The following SLC5A7 variants were observed in gnomAD, a reference collection of about 807,000 sequenced individuals.
The protein encoded by SLC5A7 is solute carrier family 5 member 7.
SLC5A7 carries 19 observed loss-of-function variants against 55.4 expected under a neutral mutation model. The ratio of observed to expected loss-of-function variants is 0.34; its 90% confidence interval spans 0.24 to 0.50. The LOEUF (loss-of-function observed/expected upper bound fraction) is 0.50, where lower values mean the gene tolerates loss of function less well. Among genes scored for constraint, SLC5A7 ranks in the 20% least tolerant of loss-of-function variants. SLC5A7 has a pLI of 0.98. For synonymous variants in SLC5A7, 265 were observed against 263.7 expected (o/e 1.00, Z -0.05); for missense variants, 506 against 705.3 (o/e 0.72, Z 3.20).
chr2:108,010,668 T>G lies in SLC5A7; in HGVS notation c.1550T>G (p.Val517Gly). 1 of 1,613,984 alleles carries G rather than the reference T, an allele frequency of 6.2e-7. No individual in the cohort carries two copies. Residue 517 changes from valine (V) to glycine (G), a missense_variant, in exon 9 of 9, where the codon GTT becomes GGT. Transcript: ENST00000264047. ...CCTAAATTAGATGTATTTGATGCTGTTGTTGCAAGACACAGTGAAGAAAAC... is the reference window on the plus strand; with the variant it reads ...CCTAAATTAGATGTATTTGATGCTGGTGTTGCAAGACACAGTGAAGAAAAC... ...LPPKLDVFDA[V>G]VARHSEENMD...
intron 5 of SLC5A7, among the ~76,000 whole-genome samples, chr2:108,001,153 C>A (rs1019090073): frequency 1.4e-4 from 22 of 151,974 alleles, no homozygotes; most frequent in Non-Finnish European, 3.1e-4. Flanking sequence ...CTCCCCTCCT[C>A]CCCCCACCCA....
chr2:107,991,642 G>T (rs1315104118), intron 2 of SLC5A7, among the ~76,000 whole-genome samples: 1 of 152,088 alleles, frequency 6.6e-6, no homozygotes, highest in Non-Finnish European at 1.5e-5. Context: ...ACTCCGTGAG[G>T]ACAGTATAAA....
At chr2:108,009,791 C>G (rs1165717619) in intron 8 of SLC5A7, among the ~76,000 whole-genome samples, 3 of 152,122 alleles carry the variant, frequency 2.0e-5, no homozygotes, top group Non-Finnish European at 4.4e-5. Context: ...TGTGTCTTTT[C>G]AAGAGCACCA....
At position 108,008,457 on chromosome 2, in the gene SLC5A7, T is replaced by A; in HGVS notation, c.896-8T>A. The A allele has an allele frequency of 6.2e-7, 1 of 1,610,670 alleles. No individual in the cohort carries two copies. The highest frequency in any genetic ancestry group is 1.1e-5 in the South Asian group (1 of 90,806). On this transcript the variant is annotated splice_polypyrimidine_tract_variant and splice_region_variant and intron_variant, in intron 7 of 8. Transcript: ENST00000264047. ...GTGGTTATAATGGTTGTTGATTCTG[T>A]TCAACAGACTGGAACCAGACTGCAT...
intron 6 of SLC5A7, among the ~76,000 whole-genome samples, chr2:108,002,979 T>G (rs1295719508): frequency 6.6e-6 from 1 of 152,226 alleles, no homozygotes; most frequent in Non-Finnish European, 1.5e-5. Context: ...TCGTGGCACA[T>G]GGCTGAATTC....
chr2:108,007,083 T>C (rs1678153328), intron 7 of SLC5A7, among the ~76,000 whole-genome samples: 1 of 152,166 alleles, frequency 6.6e-6, no homozygotes, highest in African/African-American at 2.4e-5. Flanking sequence ...ATGTATTAAT[T>C]ACTCCTGACC....
In SLC5A7 at chr2:108,011,647, C is replaced by T. The variant is rs1285547376; in HGVS notation, c.*786C>T. On this transcript the variant is annotated 3_prime_UTR_variant, in exon 9 of 9. Coordinates refer to ENST00000264047, the MANE Select transcript of SLC5A7 (RefSeq NM_021815.5). ...ACAGAAGGTAATAGGAAGAACAGTA[C>T]ATTTTTGTCTTTATCTCAAGTATAT... is the stretch of plus-strand genomic sequence containing the variant. 2.0e-5 allele frequency: 3 copies of T among 152,048 alleles called. No individual in the cohort carries two copies. Among genetic ancestry groups the T allele is most frequent in the Non-Finnish European group, 4.4e-5 (3 of 67,986 alleles). The allele number at this position is 152,048 out of a possible 1,614,324, so 9.4% of individuals were successfully genotyped here. A position where few individuals can be genotyped will look rare whatever the true frequency, so the allele number is the denominator to read the frequency against.
At chr2:108,003,516 T>C (rs1184139867) in intron 6 of SLC5A7, among the ~76,000 whole-genome samples, 1 of 152,188 alleles carries the variant, frequency 6.6e-6, no homozygotes, top group Non-Finnish European at 1.5e-5. Flanking sequence ...ACTATAGAAA[T>C]TGGCCTTGAA....
intron 2 of SLC5A7, among the ~76,000 whole-genome samples, chr2:107,988,780 G>T (rs190903590): frequency 2.6e-4 from 40 of 152,328 alleles, no homozygotes; most frequent in Non-Finnish European, 5.1e-4. Context: ...ATACCATCTA[G>T]TGATGGTTTT....
rs747280362 is a variant in SLC5A7, at chr2:108,002,035, T to C, written c.736T>C (p.Leu246=). 5 of 1,613,934 alleles carry C rather than the reference T, an allele frequency of 3.1e-6. No individual in the cohort carries two copies. Among genetic ancestry groups the C allele is most frequent in the Non-Finnish European group, 4.2e-6 (5 of 1,179,906 alleles). Residue 246 remains leucine (L), a synonymous_variant, in exon 6 of 9, where the codon TTG becomes CTG. Transcript: ENST00000264047. ...EVYSWLDSFL[L]LMLGGIPWQA... is the part of the protein sequence containing the mutation. ...CTACTCTTGGCTTGATAGTTTTCTG[T>C]TGTTGGTAAGTAATGCTCTTACCTG... is the stretch of plus-strand genomic sequence containing the variant.
chr2:107,988,087 T>G lies in SLC5A7; in HGVS notation c.-51-18T>G. Reference sequence around the variant, plus strand: ...TAGTGCTTGACTGGTTTATAATGCATCCCTGTATTTTCTTCAGAAGACTTA... The same window carrying G: ...TAGTGCTTGACTGGTTTATAATGCAGCCCTGTATTTTCTTCAGAAGACTTA... On this transcript the variant is annotated intron_variant, in intron 1 of 8. Transcript: ENST00000264047. The G allele has an allele frequency of 6.6e-7, 1 of 1,514,794 alleles. No individual in the cohort carries two copies. Among genetic ancestry groups the G allele is most frequent in the Non-Finnish European group, 9.1e-7 (1 of 1,103,822 alleles). The allele number at this position is 1,514,794 out of a possible 1,614,324, so 93.8% of individuals were successfully genotyped here. A position where few individuals can be genotyped will look rare whatever the true frequency, so the allele number is the denominator to read the frequency against.
chr2:107,994,742 T>TG (rs1677602850), intron 4 of SLC5A7, among the ~76,000 whole-genome samples: 2 of 152,148 alleles, frequency 1.3e-5, no homozygotes, highest in African/African-American at 2.4e-5. Flanking sequence ...TGAGTTGCAT[T>TG]GGGCGCTTGT....
chr2:107,994,309 C>T (rs1162787662), intron 4 of SLC5A7, among the ~76,000 whole-genome samples: 12 of 152,160 alleles, frequency 7.9e-5, no homozygotes, highest in Admixed American at 3.3e-4. Flanking sequence ...GGGGGCCGGG[C>T]GCGGTGGCTC....
Position 108,010,268 on chromosome 2 carries a change from A to G in SLC5A7, c.1150A>G (p.Thr384Ala). ...AGAAATCGTTTGGGTTATGCGAATCACAGTGTTTGTGTTTGGAGCATCTGC... is the reference window on the plus strand; with the variant it reads ...AGAAATCGTTTGGGTTATGCGAATCGCAGTGTTTGTGTTTGGAGCATCTGC... ...DKEIVWVMRI[T>A]VFVFGASATA... Residue 384 changes from threonine (T) to alanine (A), a missense_variant, in exon 9 of 9, where the codon ACA becomes GCA. By Grantham distance (58) the Thr-to-Ala change is moderately conservative. Coordinates refer to ENST00000264047, the MANE Select transcript of SLC5A7 (RefSeq NM_021815.5). 1 of 1,613,844 alleles carries G rather than the reference A, an allele frequency of 6.2e-7. No individual in the cohort carries two copies. The highest frequency in any genetic ancestry group is 8.5e-7 in the Non-Finnish European group (1 of 1,179,870).
chr2:108,006,245 C>A (rs773036934), intron 7 of SLC5A7, 43 bp downstream of exon 7: 1 of 1,608,744 alleles, frequency 6.2e-7, no homozygotes, highest in East Asian at 2.2e-5. Context: ...GTTAGTTTAC[C>A]AATCCCCACC....
rs1188481563 is a variant in SLC5A7, at chr2:108,002,048, A to G, written c.741+8A>G. 6.2e-7 allele frequency: 1 copy of G among 1,611,790 alleles called. No individual in the cohort carries two copies. Among genetic ancestry groups the G allele is most frequent in the Non-Finnish European group, 8.5e-7 (1 of 1,178,472 alleles). The stretch of plus-strand genomic sequence containing the variant: ...GATAGTTTTCTGTTGTTGGTAAGTA[A>G]TGCTCTTACCTGAAGAATGTGATTT... On this transcript the variant is annotated splice_region_variant and intron_variant, in intron 6 of 8. Transcript: ENST00000264047.
chr2:107,988,480 T>C (rs1250214164), intron 2 of SLC5A7, 147 bp downstream of exon 2: 1 of 574,210 alleles, frequency 1.7e-6, no homozygotes, highest in Non-Finnish European at 2.7e-6. Flanking sequence ...TATTTTAAAA[T>C]AATTTTCTAT....
intron 5 of SLC5A7, among the ~76,000 whole-genome samples, chr2:107,999,097 C>T (rs114772026): frequency 6.6e-6 from 1 of 152,128 alleles, no homozygotes; most frequent in South Asian, 2.1e-4. Context: ...TCTCTTTTCT[C>T]CTTAGACATT....
chr2:107,992,605 T>C (rs72826949), intron 3 of SLC5A7, among the ~76,000 whole-genome samples: 7,957 of 152,274 alleles, frequency 0.052, 309 homozygotes, highest in Non-Finnish European at 0.078. Flanking sequence ...AGAAGGTACC[T>C]CATTTTTGGG....
Sources: gnomAD v4.1 joint callset for allele counts (sites outside exome capture counted in the v4.1 genomes callset) on GRCh38, gnomAD v4.1.1 for gene constraint, MANE v1.5 for transcripts, NCBI Gene and HGNC (gene_info 2026-07-23, HGNC 2026-07-21) for gene names.